FAT1: variants seen among roughly 807,000 people sequenced by gnomAD.
FAT1 encodes the protein FAT atypical cadherin 1.
FAT1 carries 171 observed loss-of-function variants against 329.8 expected under a neutral mutation model. The ratio of observed to expected loss-of-function variants is 0.52; its 90% CI spans 0.46 to 0.59. The LOEUF (loss-of-function observed/expected upper bound fraction) is 0.59. Among genes scored for constraint, FAT1 ranks in the 20% least tolerant of loss-of-function variants. The pLI is 0.00. For missense variants in FAT1, 5,672 were observed against 5,774.4 expected (o/e 0.98, Z 0.57); for synonymous variants, 2,233 against 2,228.6 (o/e 1.00, Z -0.06).
At chr4:186,630,776 A>G (rs1168767506) in intron 7 of FAT1, among the ~76,000 whole-genome samples, 1 of 152,204 alleles carries the variant, frequency 6.6e-6, no homozygotes, top group Non-Finnish European at 1.5e-5. Context: ...TGCCCATGGA[A>G]AGGAGTACAA....
chr4:186,713,908 A>C (rs1344345840), intron 1 of FAT1, among the ~76,000 whole-genome samples: 1 of 152,154 alleles, frequency 6.6e-6, no homozygotes, highest in Admixed American at 6.5e-5. Context: ...GCTGGTCTCA[A>C]ACACCCAGGC....
At chr4:186,652,660 T>C (rs867214950) in intron 3 of FAT1, among the ~76,000 whole-genome samples, 1 of 152,180 alleles carries the variant, frequency 6.6e-6, no homozygotes, top group African/African-American at 2.4e-5. Flanking sequence ...ATTCCTGCCA[T>C]TGAAATGCGA....
In FAT1 at chr4:186,620,045, C is replaced by T. The variant is rs369172979; in HGVS notation, c.6541G>A (p.Val2181Met). 94 of 1,613,906 alleles carry T rather than the reference C, an allele frequency of 5.8e-5. No homozygotes were observed. The highest frequency in any genetic ancestry group is 7.0e-5 in the Non-Finnish European group (83 of 1,179,906). The change falls in exon 10 of 27, where the codon GTG becomes ATG. Residue 2181 changes from valine (V) to methionine (M), a missense_variant. This residue lies in a region of FAT1 where 3,966 missense variants were observed against 3,915.2 expected (regional missense o/e 1.01). Transcript: ENST00000441802. ...GCACTGTAGAAAGGTTTTTCAAACA[C>T]AGGCATGGCTTTATTCATGACAGTG... ...PITVMNKAMP[V>M]FEKPFYSAEI...
rs1055236004 is a variant in FAT1 at position 186,723,650 on chromosome 4, C to G, written c.-19+14G>C. The G allele has an allele frequency of 6.6e-6, 1 of 151,514 alleles. No individual in the cohort carries two copies. The highest frequency in any genetic ancestry group is 2.4e-5 in the African/African-American group (1 of 41,142). 9.4% of individuals were successfully genotyped at this position (151,514 alleles called of 1,614,324 possible). A position where few individuals can be genotyped will look rare whatever the true frequency, so the allele number is the denominator to read the frequency against. ...CTCGCCCCCGCCCGCCGGCCCGCGC[C>G]CCAGCGAACTAACCGCAAAGTTGGC... On this transcript the variant is annotated intron_variant, in intron 1 of 26. Transcript: ENST00000441802.
In FAT1 at chr4:186,603,803, A is replaced by G. The variant is rs759734436; in HGVS notation, c.10723T>C (p.Tyr3575His). The part of the protein sequence containing the change: ...GKIHATDQDV[Y>H]DTLTYSLDPQ... ...TCGAGACTGTAGGTTAGAGTATCAT[A>G]CACGTCCTGGTCTGTGGCATGGATC... The change falls in exon 19 of 27, where the codon TAT becomes CAT. Residue 3575 changes from tyrosine (Y) to histidine (H), a missense_variant. By Grantham distance (83) the Tyr-to-His change is moderately conservative (BLOSUM62 2). This residue lies in a region of FAT1 where 1,706 missense variants were observed against 1,859.1 expected (regional missense o/e 0.92). Coordinates refer to ENST00000441802, the MANE Select transcript of FAT1 (RefSeq NM_005245.4). 13 of 1,613,858 alleles carry G rather than the reference A, an allele frequency of 8.1e-6. No homozygotes were observed. In the South Asian group the frequency reaches 1.4e-4, roughly 18 times the overall value.
rs2126571307 is a variant in FAT1, at chr4:186,639,758, C to T, written c.3606G>A (p.Lys1202=). The T allele has an allele frequency of 6.2e-7, 1 of 1,613,044 alleles. No homozygotes were observed. Among genetic ancestry groups the T allele is most frequent in the South Asian group, 1.1e-5 (1 of 90,970 alleles). ...KTGLITTTSR[K]LDREQQDEHI... ...GTTCATCTTGCTGTTCTCGGTCTAG[C>T]TTCCTTGACGTAGTTGTGATGAGAC... Residue 1202 remains lysine, a synonymous_variant, in exon 4 of 27, where the codon AAG becomes AAA. Transcript: ENST00000441802.
At chr4:186,627,065 T>A (rs1438925470) in intron 9 of FAT1, among the ~76,000 whole-genome samples, 6 of 80,680 alleles carry the variant, frequency 7.4e-5, no homozygotes, top group South Asian at 4.3e-4. Flanking sequence ...ACACATAAAG[T>A]GAGCTTCACC....
chr4:186,603,318 T>A lies in FAT1; in HGVS notation c.11208A>T (p.Lys3736Asn), dbSNP rs1181704081. 3 of 1,613,952 alleles carry A rather than the reference T, an allele frequency of 1.9e-6. No individual in the cohort carries two copies. The highest frequency in any genetic ancestry group is 2.5e-6 in the Non-Finnish European group (3 of 1,179,888). ...AGGGGCAGTCCAGTCCCGCGCAGAG[T>A]TTCTGGAATACATTCAGTATCCTAA... is the stretch of plus-strand genomic sequence containing the variant. Reference protein sequence around the residue: ...IGVRILNVFQKLCAGLDCPWK... With the variant: ...IGVRILNVFQNLCAGLDCPWK... Residue 3736 changes from lysine (K) to asparagine (N), a missense_variant, in exon 19 of 27, where the codon AAA becomes AAT. Physicochemically the swap from Lys to Asn is moderately conservative, Grantham distance 94. Transcript: ENST00000441802.
intron 16 of FAT1, 105 bp downstream of exon 16, chr4:186,609,078 G>T: frequency 7.8e-7 from 1 of 1,275,806 alleles, no homozygotes; most frequent in Non-Finnish European, 1.1e-6. Context: ...AGTTCTTGAG[G>T]CGGTCAGTCC....
At position 186,621,539 on chromosome 4, in the gene FAT1, C is replaced by T. The variant is rs1346206577; in HGVS notation, c.5047G>A (p.Gly1683Arg). The T allele has an allele frequency of 1.2e-6, 2 of 1,613,982 alleles. No individual in the cohort carries two copies. The highest frequency in any genetic ancestry group is 1.1e-5 in the South Asian group (1 of 91,066). ...SVELSETVSI[G>R]SFVGMVTAHS... The stretch of plus-strand genomic sequence containing the variant: ...GCTGTAACCATCCCAACGAAACTCC[C>T]AATGCTGACAGTTTCACTAAGTTCA... The change falls in exon 10 of 27, where the codon GGG becomes AGG. Residue 1683 changes from glycine (G) to arginine (R), a missense_variant. Transcript: ENST00000441802.
intron 4 of FAT1, among the ~76,000 whole-genome samples, chr4:186,639,392 T>C (rs1284060030): frequency 6.6e-6 from 1 of 151,922 alleles, no homozygotes; most frequent in Non-Finnish European, 1.5e-5. Context: ...TACAGAAAAA[T>C]ATCACTTATG....
chr4:186,622,380 T>C (rs759736853), intron 9 of FAT1, among the ~76,000 whole-genome samples: 1 of 152,218 alleles, frequency 6.6e-6, no homozygotes, highest in Non-Finnish European at 1.5e-5. Context: ...GGGGCAATTC[T>C]GCTCCCTAGG....
At position 186,618,484 on chromosome 4, in the gene FAT1, G is replaced by C. The variant is rs1480884927; in HGVS notation, c.8102C>G (p.Pro2701Arg). ...GGTATAGAAAGGTTCTGAAAATTTTGGAAGCTGCATTTCCGGTGGAAGGAT... is the reference window on the plus strand; with the variant it reads ...GGTATAGAAAGGTTCTGAAAATTTTCGAAGCTGCATTTCCGGTGGAAGGAT... ...VKILPPEMQL[P>R]KFSEPFYTFT... The change falls in exon 10 of 27, where the codon CCA (proline) becomes CGA (arginine). Residue 2701 changes from proline to arginine, a missense_variant. Pro to Arg is a moderately radical substitution (Grantham distance 103). This residue lies in a region of FAT1 where 3,966 missense variants were observed against 3,915.2 expected (regional missense o/e 1.01). Coordinates refer to ENST00000441802, the MANE Select transcript of FAT1 (RefSeq NM_005245.4). The C allele has an allele frequency of 6.2e-7, 1 of 1,613,962 alleles. No homozygotes were observed. The highest frequency in any genetic ancestry group is 8.5e-7 in the Non-Finnish European group (1 of 1,179,892).
At chr4:186,682,445 T>C (rs918727280) in intron 2 of FAT1, among the ~76,000 whole-genome samples, 7 of 146,462 alleles carry the variant, frequency 4.8e-5, no homozygotes, top group Non-Finnish European at 1.0e-4. Context: ...GAGGATTCCT[T>C]GAACTCGGGA....
chr4:186,725,377 AC>A (rs1218606497), upstream of FAT1, among the ~76,000 whole-genome samples: 2 of 151,990 alleles, frequency 1.3e-5, no homozygotes, highest in African/African-American at 4.8e-5. This position sits in a 1 kb window ranked among gnomAD's most constrained non-coding sequence, Gnocchi z 5.4. Context: ...GTACAAAGAT[AC>A]CATTCCCTGA....
intron 1 of FAT1, among the ~76,000 whole-genome samples, chr4:186,715,205 G>A (rs1026963244): frequency 6.7e-6 from 1 of 150,048 alleles, no homozygotes; most frequent in African/African-American, 2.5e-5. Flanking sequence ...AGACTGCTTT[G>A]GCTGTTCTCT....
chr4:186,660,113 T>C (rs1354563252), intron 3 of FAT1, among the ~76,000 whole-genome samples: 1 of 152,180 alleles, frequency 6.6e-6, no homozygotes, highest in Non-Finnish European at 1.5e-5. Context: ...CAGCCGTTAA[T>C]CATTAAGTAA....
chr4:186,611,244 A>G, intron 14 of FAT1, 142 bp downstream of exon 14: 2 of 678,484 alleles, frequency 2.9e-6, no homozygotes, highest in Non-Finnish European at 2.4e-6. Context: ...TCCCACTGTA[A>G]ATAACTAAAA....
Position 186,600,190 on chromosome 4 carries a change from G to A in FAT1, c.11811C>T (p.Ala3937=), listed in dbSNP as rs1738740733. ...GGTTCAGGGTTTTCAGAGTCCCTGGGGCTGTGCCCGATGCAGTATGAACTT... is the reference window on the plus strand; with the variant it reads ...GGTTCAGGGTTTTCAGAGTCCCTGGAGCTGTGCCCGATGCAGTATGAACTT... ...LDQVHTASGT[A]PGTLKTLNLD... The change falls in exon 22 of 27, where the codon GCC becomes GCT. Residue 3937 remains alanine, a synonymous_variant. Transcript: ENST00000441802. 6.2e-7 allele frequency: 1 copy of A among 1,614,066 alleles called. No homozygotes were observed. The highest frequency in any genetic ancestry group is 8.5e-7 in the Non-Finnish European group (1 of 1,179,914).
Sources: allele counts gnomAD v4.1 joint callset (sites outside exome capture counted in the v4.1 genomes callset), GRCh38; gene constraint gnomAD v4.1.1; regional missense constraint gnomAD v4.1.1; non-coding constraint Gnocchi (gnomAD v3.1); transcripts MANE v1.5; gene names NCBI Gene and HGNC (gene_info 2026-07-23, HGNC 2026-07-21).